SHISA9: variants seen among roughly 807,000 people sequenced by gnomAD.
The protein encoded by SHISA9 is protein shisa-9.
In SHISA9, 13 loss-of-function variants were observed where a neutral mutation model predicts 38.0. That is an observed-to-expected ratio of 0.34 (90% confidence interval 0.22 to 0.54). The LOEUF (loss-of-function observed/expected upper bound fraction) is 0.54. Among genes scored for constraint, SHISA9 ranks in the 20% least tolerant of loss-of-function variants. The pLI is 0.91. For synonymous variants in SHISA9, 275 were observed against 242.0 expected (o/e 1.14, Z -1.27); for missense variants, 538 against 575.8 (o/e 0.93, Z 0.67).
chr16:13,486,946 C>T, the SHISA9 span, among the ~76,000 whole-genome samples: 7 of 152,216 alleles, frequency 4.6e-5, no homozygotes, highest in African/African-American at 1.4e-4. Context: ...TCAGGTGATC[C>T]ACCTGCCTTG....
the SHISA9 span, among the ~76,000 whole-genome samples, chr16:13,504,133 G>A: frequency 9.9e-4 from 150 of 152,264 alleles, 1 homozygote; most frequent in Non-Finnish European, 1.7e-3. Flanking sequence ...CTGCTTACTA[G>A]TTAGTTTCCT....
chr16:13,458,674 C>G, the SHISA9 span: 1 of 295,556 alleles, frequency 3.4e-6, no homozygotes, highest in East Asian at 1.3e-4. Context: ...GGCAGAATAA[C>G]CTTGATTAGA....
intron 2 of SHISA9, among the ~76,000 whole-genome samples, chr16:13,140,471 C>T (rs779638175): frequency 2.0e-5 from 3 of 152,110 alleles, no homozygotes; most frequent in Non-Finnish European, 2.9e-5. Context: ...GCCACTGCAC[C>T]TGGCCAATGG....
the SHISA9 span, among the ~76,000 whole-genome samples, chr16:13,417,951 C>G: frequency 1.3e-5 from 2 of 152,180 alleles, no homozygotes; most frequent in African/African-American, 4.8e-5. Flanking sequence ...CCAATGATAC[C>G]CTACCTAAAC....
At chr16:12,937,468 G>C (rs927901139) in intron 2 of SHISA9, among the ~76,000 whole-genome samples, 1 of 152,140 alleles carries the variant, frequency 6.6e-6, no homozygotes, top group East Asian at 1.9e-4. Flanking sequence ...TTAATAGTGG[G>C]CATATTAGTC....
chr16:13,091,709 T>G (rs1002980677), intron 2 of SHISA9, among the ~76,000 whole-genome samples: 4 of 152,242 alleles, frequency 2.6e-5, no homozygotes, highest in Non-Finnish European at 4.4e-5. Context: ...TCTAATCTTT[T>G]TTCAAGGTTT....
At chr16:13,243,045 C>G (rs2051446421), downstream of SHISA9, among the ~76,000 whole-genome samples, 1 of 152,034 alleles carries the variant, frequency 6.6e-6, no homozygotes, top group Non-Finnish European at 1.5e-5. Context: ...TCGAGACCAG[C>G]CTGGCCAACA....
intron 2 of SHISA9, among the ~76,000 whole-genome samples, chr16:13,146,406 A>G (rs964958907): frequency 6.6e-6 from 1 of 152,000 alleles, no homozygotes; most frequent in African/African-American, 2.4e-5. Flanking sequence ...ATGTAGGTGT[A>G]TTTATTTATG....
the SHISA9 span, among the ~76,000 whole-genome samples, chr16:13,524,106 C>T: frequency 6.6e-6 from 1 of 152,138 alleles, no homozygotes; most frequent in Non-Finnish European, 1.5e-5. Flanking sequence ...GACCATTATG[C>T]TATACTGCCT....
At chr16:13,153,099 A>G (rs1477602018) in intron 2 of SHISA9, among the ~76,000 whole-genome samples, 1 of 152,182 alleles carries the variant, frequency 6.6e-6, no homozygotes, top group African/African-American at 2.4e-5. Context: ...CCTACCCTCA[A>G]GTCTCCAGAA....
chr16:13,134,725 G>T (rs955876144), intron 2 of SHISA9, among the ~76,000 whole-genome samples: 11 of 152,040 alleles, frequency 7.2e-5, no homozygotes, highest in Admixed American at 7.2e-4. Context: ...GTCAGTCTAG[G>T]CTAAGTTATG....
the SHISA9 span, among the ~76,000 whole-genome samples, chr16:13,275,217 G>A: frequency 1.3e-5 from 2 of 151,912 alleles, no homozygotes; most frequent in Non-Finnish European, 2.9e-5. Flanking sequence ...TATTAATATT[G>A]GTTGTTTTTC....
At chr16:12,977,111 A>T (rs2072173294) in intron 2 of SHISA9, among the ~76,000 whole-genome samples, 1 of 152,170 alleles carries the variant, frequency 6.6e-6, no homozygotes, top group Non-Finnish European at 1.5e-5. Context: ...GAAGCCTTTA[A>T]GAGCCACTGT....
At chr16:13,378,781 G>C in the SHISA9 span, among the ~76,000 whole-genome samples, 1 of 152,178 alleles carries the variant, frequency 6.6e-6, no homozygotes, top group Non-Finnish European at 1.5e-5. Flanking sequence ...GTACATGAAT[G>C]AGTGTTCAAT....
intron 2 of SHISA9, among the ~76,000 whole-genome samples, chr16:13,115,477 C>A (rs1282351715): frequency 6.6e-6 from 1 of 152,222 alleles, no homozygotes; most frequent in African/African-American, 2.4e-5. Flanking sequence ...ATCACTAATG[C>A]TTTTGTTTGT....
chr16:13,273,242 C>G, the SHISA9 span, among the ~76,000 whole-genome samples: 2 of 152,162 alleles, frequency 1.3e-5, no homozygotes, highest in Admixed American at 1.3e-4. Context: ...GACATCTCAA[C>G]GACATGTCCT....
At chr16:13,475,346 TTCAC>T in the SHISA9 span, among the ~76,000 whole-genome samples, 31 of 96,608 alleles carry the variant, frequency 3.2e-4, no homozygotes, top group East Asian at 7.6e-3. Context: ...ATATATATGT[TTCAC>T]ATATATATTT....
At chr16:13,090,693 C>T (rs1300000497) in intron 2 of SHISA9, among the ~76,000 whole-genome samples, 2 of 152,188 alleles carry the variant, frequency 1.3e-5, no homozygotes, top group African/African-American at 4.8e-5. Context: ...AGCCTATGTG[C>T]ATCGTTGCAC....
intron 4 of SHISA9, among the ~76,000 whole-genome samples, chr16:13,220,778 A>G (rs1373176983): frequency 1.3e-5 from 2 of 152,292 alleles, no homozygotes; most frequent in African/African-American, 2.4e-5. Context: ...GTGCTCAGCC[A>G]TGGCTGGAGA....
Sources: allele counts gnomAD v4.1 joint callset (sites outside exome capture counted in the v4.1 genomes callset), GRCh38; gene constraint gnomAD v4.1.1; transcripts MANE v1.5; gene names NCBI Gene and HGNC (gene_info 2026-07-23, HGNC 2026-07-21).